Variants in BSN observed in about 807,000 individuals in gnomAD.
The protein encoded by BSN is bassoon presynaptic cytomatrix protein.
BSN carries 57 observed loss-of-function variants against 264.8 expected under a neutral mutation model. The ratio of observed to expected loss-of-function variants is 0.22; its 90% CI spans 0.17 to 0.27. The LOEUF (loss-of-function observed/expected upper bound fraction) is 0.27, where lower values mean the gene tolerates loss of function less well. Ranked by LOEUF, BSN falls within the 10% of genes least tolerant of loss-of-function variation. The pLI is 1.00. For synonymous variants in BSN, 2,059 were observed against 2,137.3 expected, an observed-to-expected ratio of 0.96 and a Z score of 1.01; for missense variants, 4,615 against 5,232.5, an observed-to-expected ratio of 0.88 and a Z score of 3.64.
At chr3:49,624,858 T>C in intron 1 of BSN, 117 bp from the exon 2 acceptor site, 1 of 953,646 alleles carries the variant, frequency 1.0e-6, no homozygotes, top group Non-Finnish European at 1.5e-6. Flanking sequence ...ATGATTCTTC[T>C]GGGCAGGAGG....
intron 2 of BSN, chr3:49,640,407 A>C (rs2052454939): frequency 6.6e-6 from 1 of 152,266 alleles, no homozygotes; most frequent in Non-Finnish European, 1.5e-5. Context: ...TAAACAACAA[A>C]TCAGTAGACA....
rs1384381971 is a variant in BSN at position 49,671,523 on chromosome 3, A to T, written c.*4038A>T. On this transcript the variant is annotated 3_prime_UTR_variant, in exon 12 of 12. Transcript: ENST00000296452. This position sits in a 1 kb window ranked among gnomAD's most constrained non-coding sequence, Gnocchi z 4.1. ...GACAAGGTAATTCTGTGGTATCAGAATAAAAGGACTTGATATAAACAACCT... is the reference window on the plus strand; with the variant it reads ...GACAAGGTAATTCTGTGGTATCAGATTAAAAGGACTTGATATAAACAACCT... 1.3e-5 allele frequency: 2 copies of T among 152,658 alleles called. No homozygotes were observed. The highest frequency in any genetic ancestry group is 4.8e-5 in the African/African-American group (2 of 41,440). The allele number at this position is 152,658 out of a possible 1,614,324, so 9.5% of individuals were successfully genotyped here.
chr3:49,632,922 A>G (rs1437611163), intron 2 of BSN, among the ~76,000 whole-genome samples: 1 of 152,192 alleles, frequency 6.6e-6, no homozygotes, highest in Non-Finnish European at 1.5e-5. Context: ...GCAAATAGCT[A>G]GAACCTGTCT....
rs73834007 is a variant in BSN, at chr3:49,602,941, G to A, written c.225-22034G>A. ...CGCTCATGGGCAGAGTGAAGGGAGA[G>A]GTGTGCTGTGAGTCAGGGCATGGCA... On this transcript the variant is annotated intron_variant, in intron 1 of 11. Transcript: ENST00000296452. 8.7e-3 allele frequency among the ~76,000 whole-genome samples: 1,325 copies of A among 152,346 alleles called. 22 individuals are homozygous for A. The highest frequency in any genetic ancestry group is 0.03 in the African/African-American group (1,265 of 41,586).
chr3:49,593,937 G>A, intron 1 of BSN, among the ~76,000 whole-genome samples: 1 of 151,324 alleles, frequency 6.6e-6, no homozygotes, highest in East Asian at 1.9e-4. Context: ...TGAGTAGCTG[G>A]GACTACAGGC....
At chr3:49,634,207 TAA>T (rs77766983) in intron 2 of BSN, among the ~76,000 whole-genome samples, 30 of 139,850 alleles carry the variant, frequency 2.1e-4, no homozygotes, top group East Asian at 8.0e-4. Flanking sequence ...ACTCTGCCTT[TAA>T]AAAAAAAAAA....
At chr3:49,619,304 A>C (rs1439348776) in intron 1 of BSN, among the ~76,000 whole-genome samples, 2 of 152,168 alleles carry the variant, frequency 1.3e-5, no homozygotes, top group Non-Finnish European at 2.9e-5. Flanking sequence ...GCTGGGTCCT[A>C]AGGATATAGT....
At position 49,655,199 on chromosome 3, in the gene BSN, G is replaced by A. The variant is rs751229741; in HGVS notation, c.5643G>A (p.Glu1881=). The A allele has an allele frequency of 4.2e-5, 67 of 1,612,902 alleles. No individual in the cohort carries two copies. The highest frequency in any genetic ancestry group is 5.6e-5 in the Non-Finnish European group (66 of 1,179,912). The change falls in exon 5 of 12, where the codon GAG becomes GAA. Residue 1881 remains glutamate (E), a synonymous_variant. Coordinates refer to ENST00000296452, the MANE Select transcript of BSN (RefSeq NM_003458.4). ...GCACTGTGACCACACTGCTCCCAGA[G>A]GAGCCTGCGGGTGCCCTGGACCTTA... The part of the protein sequence containing the change: ...TAGTVTTLLP[E]EPAGALDLTG...
At position 49,656,591 on chromosome 3, in the gene BSN, C is replaced by T. The variant is rs1437639397; in HGVS notation, c.7035C>T (p.Gly2345=). The T allele has an allele frequency of 1.3e-6, 2 of 1,596,886 alleles. No homozygotes were observed. The highest frequency in any genetic ancestry group is 1.3e-5 in the African/African-American group (1 of 74,442). ...KPPADAAPGG[G]SGALSRPGFE... ...CAGCAGATGCTGCTCCTGGGGGTGG[C>T]AGTGGGGCCCTCAGCCGGCCAGGGT... is the stretch of plus-strand genomic sequence containing the variant. Residue 2345 remains glycine, a synonymous_variant, in exon 5 of 12, where the codon GGC becomes GGT. Transcript: ENST00000296452.
chr3:49,572,313 G>A (rs2051803356), intron 1 of BSN, among the ~76,000 whole-genome samples: 1 of 152,096 alleles, frequency 6.6e-6, no homozygotes, highest in South Asian at 2.1e-4. Flanking sequence ...CCCAGGTTTG[G>A]GCTCCCTAGG....
intron 3 of BSN, among the ~76,000 whole-genome samples, chr3:49,644,091 A>G (rs2052488032): frequency 1.3e-5 from 2 of 152,238 alleles, no homozygotes; most frequent in South Asian, 4.1e-4. Context: ...GACCCTTACC[A>G]TGCTGCCTTG....
chr3:49,603,868 C>T (rs942113454), intron 1 of BSN, among the ~76,000 whole-genome samples: 13 of 152,058 alleles, frequency 8.5e-5, no homozygotes, highest in African/African-American at 2.9e-4. Context: ...CCCTTCTAAC[C>T]ACTAGTCTGC....
intron 1 of BSN, among the ~76,000 whole-genome samples, chr3:49,555,408 C>G (rs1409365351): frequency 4.6e-5 from 7 of 152,146 alleles, no homozygotes; most frequent in Non-Finnish European, 1.0e-4. Context: ...TTAGGCCCAA[C>G]AATACTAATA....
chr3:49,561,313 G>A (rs766511819), intron 1 of BSN, among the ~76,000 whole-genome samples: 6 of 152,192 alleles, frequency 3.9e-5, no homozygotes, highest in Non-Finnish European at 8.8e-5. Context: ...AGCCTCAGCA[G>A]CAAGGATCAC....
At chr3:49,634,235 G>A (rs1200273217) in intron 2 of BSN, among the ~76,000 whole-genome samples, 1 of 151,806 alleles carries the variant, frequency 6.6e-6, no homozygotes, top group Non-Finnish European at 1.5e-5. Context: ...GCTGGAGGAA[G>A]GGGGAATGGG....
chr3:49,652,385 T>G lies in BSN; in HGVS notation c.2829T>G (p.Gly943=), dbSNP rs940190790. 1 of 1,608,034 alleles carries G rather than the reference T, an allele frequency of 6.2e-7. No homozygotes were observed. The highest frequency in any genetic ancestry group is 1.3e-5 in the African/African-American group (1 of 74,692). The part of the protein sequence containing the change: ...TIELNSTGSY[G]HELDLGQGPD... ...AGCTCAACAGCACGGGAAGTTATGGTCATGAGTTGGACCTGGGCCAAGGCC... is the reference window on the plus strand; with the variant it reads ...AGCTCAACAGCACGGGAAGTTATGGGCATGAGTTGGACCTGGGCCAAGGCC... Residue 943 remains glycine (G), a synonymous_variant, in exon 5 of 12, where the codon GGT becomes GGG. Transcript: ENST00000296452.
rs1157468471 is a variant in BSN, at chr3:49,554,802, C to G, written c.200C>G (p.Pro67Arg). 5.7e-6 allele frequency: 7 copies of G among 1,223,188 alleles called. No homozygotes were observed. The highest frequency in any genetic ancestry group is 7.1e-6 in the Non-Finnish European group (7 of 982,762). 75.8% of individuals were successfully genotyped at this position (1,223,188 alleles called of 1,614,324 possible). The change falls in exon 1 of 12, where the codon CCC becomes CGC. Residue 67 changes from proline (P) to arginine (R), a missense_variant. Physicochemically the swap from Pro to Arg is moderately radical, Grantham distance 103 (BLOSUM62 -2). This residue lies in a region of BSN where 1,197 missense variants were observed against 1,348.0 expected (regional missense o/e 0.89). Transcript: ENST00000296452. Reference protein sequence around the residue: ...VPPVPGPGPGPGPGPGPGSTS... With the variant: ...VPPVPGPGPGRGPGPGPGSTS... ...CCGGTCCCTGGCCCCGGCCCCGGCC[C>G]CGGTCCCGGCCCTGGCCCGGGCAGG... is the stretch of plus-strand genomic sequence containing the variant.
At position 49,663,150 on chromosome 3, in the gene BSN, G is replaced by T. The variant is rs1378007670; in HGVS notation, c.10992G>T (p.Arg3664=). 1 of 1,612,726 alleles carries T rather than the reference G, an allele frequency of 6.2e-7. No homozygotes were observed. Among genetic ancestry groups the T allele is most frequent in the Non-Finnish European group, 8.5e-7 (1 of 1,179,780 alleles). The change falls in exon 7 of 12, where the codon CGG becomes CGT. Residue 3664 remains arginine, a synonymous_variant. Coordinates refer to ENST00000296452, the MANE Select transcript of BSN (RefSeq NM_003458.4). ...SGRHTGEEPG[R]RAAKPHARDL... ...GCCACACTGGTGAGGAGCCGGGACG[G>T]CGTGCTGCCAAACCACACGCTCGGG...
At chr3:49,639,989 G>T (rs915334254) in intron 2 of BSN, among the ~76,000 whole-genome samples, 2 of 152,258 alleles carry the variant, frequency 1.3e-5, no homozygotes, top group African/African-American at 4.8e-5. Context: ...CAACTGGCAA[G>T]TCAACCTGTA....
Sources: gnomAD v4.1 joint callset for allele counts (sites outside exome capture counted in the v4.1 genomes callset) on GRCh38, gnomAD v4.1.1 for gene constraint, gnomAD v4.1.1 regional missense constraint, Gnocchi (gnomAD v3.1) non-coding constraint, MANE v1.5 for transcripts, NCBI Gene and HGNC (gene_info 2026-07-23, HGNC 2026-07-21) for gene names.